Variants in BAZ1B observed in about 807,000 individuals in gnomAD.
BAZ1B encodes tyrosine-protein kinase BAZ1B.
BAZ1B carries 22 observed loss-of-function variants against 153.8 expected under a neutral mutation model. The observed-to-expected ratio is 0.14, with a 90% CI of 0.10 to 0.20. The LOEUF (loss-of-function observed/expected upper bound fraction) is 0.20. BAZ1B is among the 10% of genes least tolerant of loss of function. The pLI, the probability that BAZ1B is intolerant of heterozygous loss-of-function variation, is 1.00. For synonymous variants in BAZ1B, 676 were observed against 633.4 expected (o/e 1.07, Z -1.01); for missense variants, 1,325 against 1,799.3 (o/e 0.74, Z 4.77).
chr7:73,460,440 C>T (rs1788357954), intron 12 of BAZ1B, among the ~76,000 whole-genome samples: 1 of 152,016 alleles, frequency 6.6e-6, no homozygotes, highest in Non-Finnish European at 1.5e-5. Context: ...AACTTGCTTC[C>T]AGCATGTAAC....
At chr7:73,482,703 T>C (rs981503893) in intron 6 of BAZ1B, among the ~76,000 whole-genome samples, 2 of 152,190 alleles carry the variant, frequency 1.3e-5, no homozygotes, top group Non-Finnish European at 2.9e-5. Context: ...TATGAAGAAA[T>C]GATACAAGAA....
intron 12 of BAZ1B, among the ~76,000 whole-genome samples, chr7:73,462,059 G>A (rs1241085596): frequency 6.6e-6 from 1 of 152,148 alleles, no homozygotes; most frequent in African/African-American, 2.4e-5. Flanking sequence ...GAGCCAACAT[G>A]CCCCGTCTCT....
chr7:73,512,060 A>G, intron 1 of BAZ1B, among the ~76,000 whole-genome samples: 1 of 145,840 alleles, frequency 6.9e-6, no homozygotes, highest in Non-Finnish European at 1.5e-5. Flanking sequence ...AAAAAAAAGG[A>G]ATCAGTCTAC....
chr7:73,482,028 G>A (rs988015524), intron 6 of BAZ1B, among the ~76,000 whole-genome samples: 2 of 152,188 alleles, frequency 1.3e-5, no homozygotes, highest in Admixed American at 1.3e-4. Flanking sequence ...GAAAGAGCGA[G>A]ACTCTGTCTC....
intron 1 of BAZ1B, among the ~76,000 whole-genome samples, chr7:73,511,773 A>C (rs62466261): frequency 0.064 from 9,698 of 150,724 alleles, 362 homozygotes; most frequent in African/African-American, 0.089. Context: ...GTAATCCCAG[A>C]ACTTTGGGAG....
chr7:73,455,536 C>CT (rs71071936), intron 13 of BAZ1B, among the ~76,000 whole-genome samples: 14,034 of 152,160 alleles, frequency 0.092, 776 homozygotes, highest in Middle Eastern at 0.13. Flanking sequence ...AATCTCAGCA[C>CT]TTTGGGAGGC....
intron 5 of BAZ1B, 104 bp from the exon 6 acceptor site, chr7:73,489,495 A>AT: frequency 1.7e-6 from 2 of 1,153,936 alleles, no homozygotes; most frequent in South Asian, 2.7e-5. Flanking sequence ...AATTCCATCT[A>AT]TATCAACAGG....
intron 12 of BAZ1B, among the ~76,000 whole-genome samples, chr7:73,461,775 T>C (rs531874623): frequency 6.6e-6 from 1 of 152,258 alleles, no homozygotes; most frequent in East Asian, 1.9e-4. Context: ...AAACTGTTCA[T>C]AAAAATCACA....
chr7:73,446,456 G>A (rs1021649381), intron 16 of BAZ1B, among the ~76,000 whole-genome samples: 2 of 150,116 alleles, frequency 1.3e-5, no homozygotes, highest in Non-Finnish European at 3.0e-5. Flanking sequence ...GTGGTGGTGG[G>A]TGTCTGTATA....
chr7:73,455,077 G>A (rs1042739705), intron 13 of BAZ1B, among the ~76,000 whole-genome samples: 4 of 151,534 alleles, frequency 2.6e-5, no homozygotes, highest in Admixed American at 6.6e-5. Context: ...AGAAGAGACC[G>A]GTTTTCACCA....
intron 16 of BAZ1B, among the ~76,000 whole-genome samples, chr7:73,444,937 C>G (rs1456294060): frequency 1.3e-5 from 2 of 152,102 alleles, no homozygotes; most frequent in East Asian, 3.9e-4. Context: ...TCGCTTGAAC[C>G]TGGGAGGCGG....
At chr7:73,446,089 G>A (rs1406418212) in intron 16 of BAZ1B, among the ~76,000 whole-genome samples, 1 of 152,166 alleles carries the variant, frequency 6.6e-6, no homozygotes, top group Admixed American at 6.5e-5. Context: ...AAAGTGGGAG[G>A]ACAGGAGAAG....
At position 73,521,806 on chromosome 7, in the gene BAZ1B, C is replaced by G. The variant is rs1791062485; in HGVS notation, c.107+21G>C. Reference sequence around the variant, plus strand: ...CGGCCCAGCCCGGCCCAGCCCGGCCCGCGCGGCTGGAAAAGGATACTCCCG... The same window carrying G: ...CGGCCCAGCCCGGCCCAGCCCGGCCGGCGCGGCTGGAAAAGGATACTCCCG... On this transcript the variant is annotated intron_variant, in intron 1 of 19. Coordinates refer to ENST00000339594, the MANE Select transcript of BAZ1B (RefSeq NM_032408.4). 6.7e-6 allele frequency: 10 copies of G among 1,483,254 alleles called. No individual in the cohort carries two copies. The South Asian group carries it at 1.1e-4, about 17-fold the overall frequency. 91.9% of individuals were successfully genotyped at this position (1,483,254 alleles called of 1,614,324 possible). A position where few individuals can be genotyped will look rare whatever the true frequency, so the allele number is the denominator to read the frequency against.
In BAZ1B at chr7:73,511,657, A is replaced by C. The variant is rs559104005; in HGVS notation, c.108-805T>G. On this transcript the variant is annotated intron_variant, in intron 1 of 19. Transcript: ENST00000339594. Reference sequence around the variant, plus strand: ...CATAAGAAAAAGTAAAGGTACATTAAAACACAAGTCATAAAAAATAACAAT... The same window carrying C: ...CATAAGAAAAAGTAAAGGTACATTACAACACAAGTCATAAAAAATAACAAT... Among the ~76,000 whole-genome samples the C allele has an allele frequency of 2.6e-5, 4 of 152,264 alleles. No individual in the cohort carries two copies. The East Asian group carries it at 5.8e-4, about 22-fold the overall frequency.
chr7:73,497,923 C>A (rs1409845542), intron 4 of BAZ1B, among the ~76,000 whole-genome samples: 1 of 151,594 alleles, frequency 6.6e-6, no homozygotes, highest in Non-Finnish European at 1.5e-5. Flanking sequence ...GAGTAGCTAG[C>A]AATGTGCACA....
chr7:73,521,960 G>A lies in BAZ1B; in HGVS notation c.-27C>T, dbSNP rs566276677. 83 of 1,415,988 alleles carry A rather than the reference G, an allele frequency of 5.9e-5. No homozygotes were observed. In the East Asian group the frequency reaches 2.1e-3, roughly 35 times the overall value. 87.7% of individuals were successfully genotyped at this position (1,415,988 alleles called of 1,614,324 possible). ...GCGGCGGCGGCGGTGGGGACTGGCG[G>A]CTGCTGGGGCCGGCCCCGCGGCGCA... On this transcript the variant is annotated 5_prime_UTR_variant, in exon 1 of 20. Coordinates refer to ENST00000339594, the MANE Select transcript of BAZ1B (RefSeq NM_032408.4).
At chr7:73,480,305 C>T (rs1789153336) in intron 6 of BAZ1B, among the ~76,000 whole-genome samples, 1 of 152,102 alleles carries the variant, frequency 6.6e-6, no homozygotes, top group South Asian at 2.1e-4. Context: ...TCTCCTCATA[C>T]CTCCCATGCC....
chr7:73,508,558 C>A, intron 2 of BAZ1B, 87 bp from the exon 3 acceptor site: 1 of 1,400,060 alleles, frequency 7.1e-7, no homozygotes, highest in Non-Finnish European at 9.6e-7. Context: ...TTCTTTCTTT[C>A]TTTTCCAAAC....
At chr7:73,471,730 G>A (rs1486311549) in intron 7 of BAZ1B, among the ~76,000 whole-genome samples, 2 of 152,076 alleles carry the variant, frequency 1.3e-5, no homozygotes, top group Middle Eastern at 3.2e-3. Flanking sequence ...TCTGTCTAAA[G>A]ATGTTACTTT....
Sources: gnomAD v4.1 joint callset for allele counts (sites outside exome capture counted in the v4.1 genomes callset) on GRCh38, gnomAD v4.1.1 for gene constraint, MANE v1.5 for transcripts, NCBI Gene and HGNC (gene_info 2026-07-23, HGNC 2026-07-21) for gene names.